The following D2HGDH variants were observed in gnomAD, a reference collection of about 807,000 sequenced individuals.
D2HGDH encodes D-2-hydroxyglutarate dehydrogenase, mitochondrial.
D2HGDH carries 31 observed loss-of-function variants against 46.9 expected under a neutral mutation model. That is an observed-to-expected ratio of 0.66 (90% confidence interval 0.50 to 0.89). The LOEUF is 0.89. Ranked by LOEUF, D2HGDH falls within the 40% of genes least tolerant of loss-of-function variation. The pLI, the probability that D2HGDH is intolerant of heterozygous loss-of-function variation, is 0.00. For synonymous variants in D2HGDH, 364 were observed against 332.6 expected (o/e 1.09, Z -1.03); for missense variants, 698 against 720.8 (o/e 0.97, Z 0.36).
rs1032856311 is a variant in D2HGDH, at chr2:241,735,462, A to C, written c.238A>C (p.Thr80Pro). Residue 80 changes from threonine (T) to proline (P), a missense_variant, in exon 2 of 10, where the codon ACG becomes CCG. Physicochemically the swap from Thr to Pro is conservative, Grantham distance 38. Transcript: ENST00000321264. ...FERIVPGGVVTDPEALQAPNV... is the reference protein window; with the variant it reads ...FERIVPGGVVPDPEALQAPNV... ...GCGCATCGTGCCCGGCGGGGTCGTC[A>C]CGGACCCGGAAGCGCTGCAGGCTCC... 1 of 1,609,556 alleles carries C rather than the reference A, an allele frequency of 6.2e-7. No individual in the cohort carries two copies.
chr2:241,745,591 C>T (rs1403372458), intron 6 of D2HGDH, among the ~76,000 whole-genome samples: 4 of 152,322 alleles, frequency 2.6e-5, no homozygotes, highest in East Asian at 3.9e-4. Context: ...CAGCCACTTA[C>T]ATCTTCTTGT....
chr2:241,752,564 TC>T (rs1299230152), intron 8 of D2HGDH, among the ~76,000 whole-genome samples: 15 of 152,110 alleles, frequency 9.9e-5, no homozygotes, highest in African/African-American at 3.4e-4. Flanking sequence ...TGGCTTCCAG[TC>T]CAGGGGCCCG....
intron 9 of D2HGDH, among the ~76,000 whole-genome samples, chr2:241,759,588 C>T (rs1248695608): frequency 1.3e-5 from 2 of 152,166 alleles, no homozygotes; most frequent in East Asian, 3.8e-4. Flanking sequence ...AGGTTTCTTG[C>T]GTACTTGTTT....
At chr2:241,755,221 C>T in intron 8 of D2HGDH, 4 of 1,286,310 alleles carry the variant, frequency 3.1e-6, no homozygotes, top group Non-Finnish European at 4.1e-6. Flanking sequence ...GGCCCGCCCA[C>T]CGTGTCCTTC....
chr2:241,742,375 T>C lies in D2HGDH; in HGVS notation c.351-60T>C, dbSNP rs1393994589. On this transcript the variant is annotated intron_variant, in intron 3 of 9. Transcript: ENST00000321264. The surrounding 1 kb of genome is among the most constrained non-coding windows in gnomAD (Gnocchi z 4.8). ...AGGCACTGGTCCTGCGGCGTGTCCTTGGGGATGGTGGCGTAGGGGTGGGGA... is the reference window on the plus strand; with the variant it reads ...AGGCACTGGTCCTGCGGCGTGTCCTCGGGGATGGTGGCGTAGGGGTGGGGA... The C allele has an allele frequency of 6.5e-7, 1 of 1,545,232 alleles. No homozygotes were observed. Among genetic ancestry groups the C allele is most frequent in the African/African-American group, 1.4e-5 (1 of 73,166 alleles).
Position 241,753,420 on chromosome 2 carries a change from A to G in D2HGDH, c.1140+2032A>G, listed in dbSNP as rs1247170243. Among the ~76,000 whole-genome samples the G allele has an allele frequency of 4.2e-5, 6 of 141,920 alleles. No individual in the cohort carries two copies. In the East Asian group the frequency reaches 6.2e-4, roughly 15 times the overall value. The allele number at this position is 141,920 out of a possible 152,430, so 93.1% of individuals were successfully genotyped here. ...AGGCTTTTCTCTGCTGTTGTCCAGC[A>G]TTGGCGAGGCTCTGGGCAGGTCCTG... On this transcript the variant is annotated intron_variant, in intron 8 of 9. Coordinates refer to ENST00000321264, the MANE Select transcript of D2HGDH (RefSeq NM_152783.5).
intron 2 of D2HGDH, among the ~76,000 whole-genome samples, chr2:241,737,847 G>T (rs1258620986): frequency 6.6e-6 from 1 of 152,200 alleles, no homozygotes; most frequent in Non-Finnish European, 1.5e-5. Flanking sequence ...TAAACCTGTG[G>T]AACTGGCACC....
chr2:241,754,961 C>G (rs1345412838), intron 8 of D2HGDH: 1 of 1,197,202 alleles, frequency 8.4e-7, no homozygotes, highest in African/African-American at 1.6e-5. Flanking sequence ...AGGTGCTGGG[C>G]TTGAGCCCTG....
At chr2:241,747,762 C>A (rs1427924577) in intron 6 of D2HGDH, among the ~76,000 whole-genome samples, 2 of 152,060 alleles carry the variant, frequency 1.3e-5, no homozygotes, top group Admixed American at 1.3e-4. Context: ...CAGGGTCTCC[C>A]ATGATGCCCA....
At chr2:241,738,907 C>T (rs1693661383) in intron 2 of D2HGDH, among the ~76,000 whole-genome samples, 1 of 152,230 alleles carries the variant, frequency 6.6e-6, no homozygotes, top group South Asian at 2.1e-4. Flanking sequence ...ATTATCCCTT[C>T]ATGTGGCTTG....
intron 8 of D2HGDH, chr2:241,755,029 G>C (rs1575309674): frequency 7.7e-7 from 1 of 1,294,526 alleles, no homozygotes; most frequent in Non-Finnish European, 1.0e-6. Flanking sequence ...GCTCTGTCCT[G>C]TTCCTCATGG....
At chr2:241,761,645 G>T (rs143993184) in intron 9 of D2HGDH, among the ~76,000 whole-genome samples, 2,110 of 152,286 alleles carry the variant, frequency 0.014, 22 homozygotes, top group Non-Finnish European at 0.023. Context: ...GAGGGGTCCT[G>T]TATCCAGTCC....
rs138041607 is a variant in D2HGDH, at chr2:241,754,860, C to T, written c.1141-989C>T. ...TCAAGTGATCCTCCTGCCTCAGCCT[C>T]CCAAAGCTCTGGGAATACAGGCGTG... On this transcript the variant is annotated intron_variant, in intron 8 of 9. Transcript: ENST00000321264. 979 of 492,398 alleles carry T rather than the reference C, an allele frequency of 2.0e-3. 8 individuals are homozygous for T. Among genetic ancestry groups the T allele is most frequent in the African/African-American group, 0.018 (896 of 49,062 alleles). The allele number at this position is 492,398 out of a possible 1,614,324, so 30.5% of individuals were successfully genotyped here. A position where few individuals can be genotyped will look rare whatever the true frequency, so the allele number is the denominator to read the frequency against.
Position 241,755,709 on chromosome 2 carries a change from G to A in D2HGDH, c.1141-140G>A, listed in dbSNP as rs374264585. ...TGGGGTTGGAGCCACACCTGGTCTG[G>A]GGCATTTGCTGTCCGGGGTCGGAGC... On this transcript the variant is annotated intron_variant, in intron 8 of 9. Transcript: ENST00000321264. The A allele has an allele frequency of 8.3e-6, 13 of 1,566,622 alleles. No individual in the cohort carries two copies. The African/African-American group carries it at 1.8e-4, about 21-fold the overall frequency.
chr2:241,741,241 G>T, intron 3 of D2HGDH, 151 bp downstream of exon 3: 2 of 768,922 alleles, frequency 2.6e-6, no homozygotes, highest in South Asian at 1.5e-5. Context: ...TGGTTTTTCG[G>T]TGCTATCTCA....
chr2:241,751,110 C>G, intron 7 of D2HGDH, 136 bp from the exon 8 acceptor site: 1 of 1,190,612 alleles, frequency 8.4e-7, no homozygotes, highest in East Asian at 2.5e-5. Context: ...GAGCTGTGTG[C>G]TCCGCAGGCT....
At chr2:241,745,830 G>A (rs972748838) in intron 6 of D2HGDH, among the ~76,000 whole-genome samples, 1 of 152,004 alleles carries the variant, frequency 6.6e-6, no homozygotes, top group East Asian at 1.9e-4. Context: ...TTCCACAGGC[G>A]CATGGCTTCA....
At chr2:241,767,645 G>T in intron 9 of D2HGDH, 65 bp from the exon 10 acceptor site, 1 of 1,606,984 alleles carries the variant, frequency 6.2e-7, no homozygotes, top group African/African-American at 1.3e-5. Context: ...AGGGGCTGTT[G>T]GGGGAGGAGT....
chr2:241,746,426 C>T (rs113195051), intron 6 of D2HGDH, among the ~76,000 whole-genome samples: 13,622 of 152,216 alleles, frequency 0.089, 676 homozygotes, highest in African/African-American at 0.13. Flanking sequence ...TGCAATGTTA[C>T]TTTTTATAGT....
Sources: allele counts gnomAD v4.1 joint callset (sites outside exome capture counted in the v4.1 genomes callset), GRCh38; gene constraint gnomAD v4.1.1; non-coding constraint Gnocchi (gnomAD v3.1); transcripts MANE v1.5; gene names NCBI Gene and HGNC (gene_info 2026-07-23, HGNC 2026-07-21).